LRRC41: variants seen among roughly 807,000 people sequenced by gnomAD.
LRRC41 encodes the protein leucine rich repeat containing 41, also known as leucine-rich repeat-containing protein 41.
LRRC41 carries 17 observed loss-of-function variants against 72.1 expected under a neutral mutation model. The ratio of observed to expected loss-of-function variants is 0.24; its 90% CI spans 0.16 to 0.35. LRRC41 has a LOEUF of 0.35. Among genes scored for constraint, LRRC41 ranks in the 10% least tolerant of loss-of-function variants. The probability of loss-of-function intolerance (pLI) is 1.00; values close to 1 mark genes in which losing one functional copy is unlikely to be tolerated. For missense variants in LRRC41, 759 were observed against 1,065.0 expected, an observed-to-expected ratio of 0.71 and a Z score of 4.00; for synonymous variants, 427 against 431.0, an observed-to-expected ratio of 0.99 and a Z score of 0.11.
chr1:46,278,065 T>A lies in LRRC41; in HGVS notation c.*800A>T. 1 of 1,614,110 alleles carries A rather than the reference T, an allele frequency of 6.2e-7. No homozygotes were observed. On this transcript the variant is annotated 3_prime_UTR_variant, in exon 10 of 10. Coordinates refer to ENST00000617190, the MANE Select transcript of LRRC41 (RefSeq NM_006369.5). ...GTAGTGACTTCAGCTGTGCCTTCTGTCCCTAGGTTGCACTGCCGACGTTGT... is the reference window on the plus strand; with the variant it reads ...GTAGTGACTTCAGCTGTGCCTTCTGACCCTAGGTTGCACTGCCGACGTTGT...
Position 46,279,257 on chromosome 1 carries a change from C to G in LRRC41, c.2144G>C (p.Gly715Ala). Residue 715 changes from glycine to alanine, a missense_variant and splice_region_variant, in exon 9 of 10, where the codon GGG becomes GCG. Physicochemically the swap from Gly to Ala is moderately conservative, Grantham distance 60 (BLOSUM62 0). Coordinates refer to ENST00000617190, the MANE Select transcript of LRRC41 (RefSeq NM_006369.5). This position sits in a 1 kb window ranked among gnomAD's most constrained non-coding sequence, Gnocchi z 4.5. ...KGLRLPGNRL[G>A]NAGLLALADV... ...TGCCAAGGCCAGCAGGCCAGCATTC[C>G]CTGGAGAGAAGGGGAGAACGCCTAT... The G allele has an allele frequency of 1.2e-6, 2 of 1,614,112 alleles. No individual in the cohort carries two copies. The highest frequency in any genetic ancestry group is 1.7e-6 in the Non-Finnish European group (2 of 1,179,994).
rs1325965627 is a variant in LRRC41 at position 46,278,400 on chromosome 1, T to C, written c.*465A>G. ...GAGAAAATCATCAAGAAGGGCTGCATGATGTTTGCCCAAAATTTATTTTAT... is the reference window on the plus strand; with the variant it reads ...GAGAAAATCATCAAGAAGGGCTGCACGATGTTTGCCCAAAATTTATTTTAT... On this transcript the variant is annotated 3_prime_UTR_variant, in exon 10 of 10. Coordinates refer to ENST00000617190, the MANE Select transcript of LRRC41 (RefSeq NM_006369.5). 8.4e-7 allele frequency: 1 copy of C among 1,190,698 alleles called. No homozygotes were observed. The highest frequency in any genetic ancestry group is 1.5e-5 in the African/African-American group (1 of 65,114). The allele number at this position is 1,190,698 out of a possible 1,614,324, so 73.8% of individuals were successfully genotyped here.
Position 46,277,916 on chromosome 1 carries a change from T to A in LRRC41, c.*949A>T, listed in dbSNP as rs1049493326. 9.3e-6 allele frequency: 15 copies of A among 1,614,004 alleles called. No homozygotes were observed. Among genetic ancestry groups the A allele is most frequent in the African/African-American group, 1.3e-5 (1 of 74,926 alleles). On this transcript the variant is annotated 3_prime_UTR_variant, in exon 10 of 10. Coordinates refer to ENST00000617190, the MANE Select transcript of LRRC41 (RefSeq NM_006369.5). ...GGAGCAGGATGTAGAGCGCCACTTC[T>A]CTCTGGGCGAGTTGAAGGAGCTGTT...
rs1052935502 is a variant in LRRC41, at chr1:46,301,310, C to A, written c.199+1814G>T. 8.5e-5 allele frequency among the ~76,000 whole-genome samples: 13 copies of A among 152,272 alleles called. No homozygotes were observed. The South Asian group carries it at 2.3e-3, about 27-fold the overall frequency. ...CGCACCCAGTCATCTTCCTTTTTAG[C>A]CAGTCTTAGCATCCCAGAAGCTCCA... On this transcript the variant is annotated intron_variant, in intron 1 of 9. Coordinates refer to ENST00000617190, the MANE Select transcript of LRRC41 (RefSeq NM_006369.5).
In LRRC41 at chr1:46,285,746, T is replaced by TAGA. The variant is rs551556013; in HGVS notation, c.1108_1110dup (p.Ser370dup). The TAGA allele has an allele frequency of 1.2e-3, 1,925 of 1,603,806 alleles. 1 individual carries two copies. The highest frequency in any genetic ancestry group is 1.6e-3 in the Non-Finnish European group (1,828 of 1,174,950). On this transcript the variant is annotated inframe_insertion, in exon 4 of 10. Transcript: ENST00000617190. This position sits in a 1 kb window ranked among gnomAD's most constrained non-coding sequence, Gnocchi z 5.3. ...GCTGGTGCCCGTTTGTATGAGGATG[T>TAGA]AGAAGAAGAGGCAGAGGAGGTGGCT...
intron 4 of LRRC41, among the ~76,000 whole-genome samples, chr1:46,282,106 A>C (rs973130303): frequency 7.3e-5 from 11 of 151,490 alleles, no homozygotes; most frequent in Non-Finnish European, 1.6e-4. Flanking sequence ...CAGCTAGGAG[A>C]GTGCAAGGCA....
At chr1:46,291,304 T>C (rs1661010813) in intron 3 of LRRC41, among the ~76,000 whole-genome samples, 1 of 152,148 alleles carries the variant, frequency 6.6e-6, no homozygotes, top group Non-Finnish European at 1.5e-5. Flanking sequence ...AATTTTTATA[T>C]ACTATAAATT....
rs761756884 is a variant in LRRC41, at chr1:46,285,709, G to A, written c.1148C>T (p.Pro383Leu). The change falls in exon 4 of 10, where the codon CCA (proline) becomes CTA (leucine). Residue 383 changes from proline to leucine, a missense_variant. Around this residue, in one of 4 missense-constraint regions of LRRC41, gnomAD observed 427 missense variants for 520.9 expected, o/e 0.82. Transcript: ENST00000617190. The surrounding 1 kb of genome is among the most constrained non-coding windows in gnomAD (Gnocchi z 5.3). ...GAAACGCTTTAGGGGCTTAGGCTGTGGGGCTGAGCTAGCTGGTGCCCGTTT... is the reference window on the plus strand; with the variant it reads ...GAAACGCTTTAGGGGCTTAGGCTGTAGGGCTGAGCTAGCTGGTGCCCGTTT... The part of the protein sequence containing the change: ...SYKRAPASSA[P>L]QPKPLKRFKR... 3 of 1,612,176 alleles carry A rather than the reference G, an allele frequency of 1.9e-6. No individual in the cohort carries two copies. Among genetic ancestry groups the A allele is most frequent in the Non-Finnish European group, 2.5e-6 (3 of 1,179,166 alleles).
At position 46,286,516 on chromosome 1, in the gene LRRC41, A is replaced by G; in HGVS notation, c.358-17T>C. 2 of 1,572,726 alleles carry G rather than the reference A, an allele frequency of 1.3e-6. No homozygotes were observed. The highest frequency in any genetic ancestry group is 1.7e-6 in the Non-Finnish European group (2 of 1,158,726). Reference sequence around the variant, plus strand: ...TGTCACACTCTGAAACGCAGAAAACATGCCAGACAGCCATGATATATCCAT... The same window carrying G: ...TGTCACACTCTGAAACGCAGAAAACGTGCCAGACAGCCATGATATATCCAT... On this transcript the variant is annotated splice_polypyrimidine_tract_variant and intron_variant, in intron 3 of 9. Transcript: ENST00000617190. This position sits in a 1 kb window ranked among gnomAD's most constrained non-coding sequence, Gnocchi z 5.5.
rs192337646 is a variant in LRRC41, at chr1:46,295,511, T to C, written c.357+2052A>G. On this transcript the variant is annotated intron_variant, in intron 3 of 9. Coordinates refer to ENST00000617190, the MANE Select transcript of LRRC41 (RefSeq NM_006369.5). ...GCACTGAATAACTGTTTGTGACTTA[T>C]GAGCTGAAGGCTATTGTCATGCAAA... Among the ~76,000 whole-genome samples the C allele has an allele frequency of 2.5e-3, 378 of 152,330 alleles. 8 individuals carry two copies. The highest frequency in any genetic ancestry group is 4.6e-4 in the Non-Finnish European group (31 of 68,032).
In LRRC41 at chr1:46,280,565, A is replaced by T; in HGVS notation, c.1757-5T>A. The T allele has an allele frequency of 6.2e-7, 1 of 1,613,026 alleles. No individual in the cohort carries two copies. Among genetic ancestry groups the T allele is most frequent in the Non-Finnish European group, 8.5e-7 (1 of 1,179,734 alleles). ...CCAACTGCTCCAGGCAGTTTTCTGG[A>T]TATGGTGGGGAAAGAAGATTCCAGC... On this transcript the variant is annotated splice_region_variant and splice_polypyrimidine_tract_variant and intron_variant, in intron 5 of 9. Coordinates refer to ENST00000617190, the MANE Select transcript of LRRC41 (RefSeq NM_006369.5).
intron 3 of LRRC41, among the ~76,000 whole-genome samples, chr1:46,287,534 C>T (rs1047705035): frequency 6.6e-6 from 1 of 152,206 alleles, no homozygotes; most frequent in Admixed American, 6.5e-5. Context: ...TGCTTTAAAA[C>T]CCTAATGTCT....
intron 3 of LRRC41, among the ~76,000 whole-genome samples, chr1:46,294,041 G>A (rs1295186131): frequency 6.6e-6 from 1 of 152,142 alleles, no homozygotes; most frequent in Non-Finnish European, 1.5e-5. Context: ...GATTACAGGT[G>A]TGAGCCACCA....
Position 46,278,796 on chromosome 1 carries a change from T to C in LRRC41, c.*69A>G. On this transcript the variant is annotated 3_prime_UTR_variant, in exon 10 of 10. Transcript: ENST00000617190. Reference sequence around the variant, plus strand: ...AAGATAGAACTGGTGGTTGGGGTTCTGGGCAGCCCATGCTTCAGCCCCTGC... The same window carrying C: ...AAGATAGAACTGGTGGTTGGGGTTCCGGGCAGCCCATGCTTCAGCCCCTGC... 7.0e-7 allele frequency: 1 copy of C among 1,435,582 alleles called. No homozygotes were observed. The highest frequency in any genetic ancestry group is 9.7e-7 in the Non-Finnish European group (1 of 1,034,400). 88.9% of individuals were successfully genotyped at this position (1,435,582 alleles called of 1,614,324 possible).
intron 3 of LRRC41, among the ~76,000 whole-genome samples, chr1:46,287,329 CG>C (rs1660906121): frequency 6.6e-6 from 1 of 151,204 alleles, no homozygotes; most frequent in South Asian, 2.1e-4. Flanking sequence ...AGGATGGTCT[CG>C]ATCTCCTGAC....
chr1:46,282,233 G>A (rs1569637441), intron 4 of LRRC41, among the ~76,000 whole-genome samples: 1 of 152,258 alleles, frequency 6.6e-6, no homozygotes, highest in South Asian at 2.1e-4. Context: ...GACGCAATAG[G>A]GAGCACCTAA....
chr1:46,278,403 T>A lies in LRRC41; in HGVS notation c.*462A>T. ...AAAATCATCAAGAAGGGCTGCATGA[T>A]GTTTGCCCAAAATTTATTTTATAAG... On this transcript the variant is annotated 3_prime_UTR_variant, in exon 10 of 10. Transcript: ENST00000617190. 8.7e-7 allele frequency: 1 copy of A among 1,149,836 alleles called. No individual in the cohort carries two copies. The allele number at this position is 1,149,836 out of a possible 1,614,324, so 71.2% of individuals were successfully genotyped here.
In LRRC41 at chr1:46,302,986, T is replaced by G. The variant is rs72883425; in HGVS notation, c.199+138A>C. ...CAGCCCTGTCAGTCACAAAATTCAT[T>G]CTCCGATCCTACGAGCTGGCTTTCA... On this transcript the variant is annotated intron_variant, in intron 1 of 9. Coordinates refer to ENST00000617190, the MANE Select transcript of LRRC41 (RefSeq NM_006369.5). The surrounding 1 kb of genome is among the most constrained non-coding windows in gnomAD (Gnocchi z 4.7). The G allele has an allele frequency of 2.4e-3, 3,106 of 1,306,618 alleles. 38 individuals carry two copies. The African/African-American group carries it at 0.025, about 11-fold the overall frequency. 80.9% of individuals were successfully genotyped at this position (1,306,618 alleles called of 1,614,324 possible).
chr1:46,282,093 T>C (rs1660789714), intron 4 of LRRC41, among the ~76,000 whole-genome samples: 1 of 146,230 alleles, frequency 6.8e-6, no homozygotes, highest in African/African-American at 2.6e-5. Context: ...AAAAAAAAAA[T>C]CACAGCTAGG....
Sources: gnomAD v4.1 joint callset for allele counts (sites outside exome capture counted in the v4.1 genomes callset) on GRCh38, gnomAD v4.1.1 for gene constraint, gnomAD v4.1.1 regional missense constraint, Gnocchi (gnomAD v3.1) non-coding constraint, MANE v1.5 for transcripts, NCBI Gene and HGNC (gene_info 2026-07-23, HGNC 2026-07-21) for gene names.